SPR: variants seen among roughly 807,000 people sequenced by gnomAD.
The protein encoded by SPR is sepiapterin reductase, also known as Sepiapterin reductase (L-erythro-7,8-dihydrobiopterin forming).
Under a neutral mutation model 16.0 loss-of-function variants are expected in SPR, and 12 were observed. That is an observed-to-expected ratio of 0.75 (90% CI 0.48 to 1.22). The LOEUF is 1.22. SPR is among the 50% of genes most tolerant of loss of function. SPR has a pLI of 0.00. For synonymous variants in SPR, 177 were observed against 168.5 expected (o/e 1.05, Z -0.39); for missense variants, 324 against 344.4 (o/e 0.94, Z 0.47).
Position 72,887,578 on chromosome 2 carries a change from A to G in SPR, c.146A>G (p.Gln49Arg), listed in dbSNP as rs1670559262. The change falls in exon 1 of 3, where the codon CAG becomes CGG. Residue 49 changes from glutamine (Q) to arginine (R), a missense_variant. By Grantham distance (43) the Gln-to-Arg change is conservative. Coordinates refer to ENST00000234454, the MANE Select transcript of SPR (RefSeq NM_003124.5). ...GCCCGCAACGACGAGGCACTGCGCCAGCTGGAGGCCGAGCTGGGCGCCGAG... is the reference window on the plus strand; with the variant it reads ...GCCCGCAACGACGAGGCACTGCGCCGGCTGGAGGCCGAGCTGGGCGCCGAG... ...LSARNDEALR[Q>R]LEAELGAERS... 1 of 1,420,550 alleles carries G rather than the reference A, an allele frequency of 7.0e-7. No individual in the cohort carries two copies. Among genetic ancestry groups the G allele is most frequent in the African/African-American group, 1.5e-5 (1 of 66,998 alleles). The allele number at this position is 1,420,550 out of a possible 1,614,324, so 88.0% of individuals were successfully genotyped here. A position where few individuals can be genotyped will look rare whatever the true frequency, so the allele number is the denominator to read the frequency against.
Position 72,888,339 on chromosome 2 carries a change from C to T in SPR, c.330C>T (p.Gly110=), listed in dbSNP as rs772291970. The change falls in exon 2 of 3, where the codon GGC becomes GGT. Residue 110 remains glycine (G), a synonymous_variant. Coordinates refer to ENST00000234454, the MANE Select transcript of SPR (RefSeq NM_003124.5). The stretch of plus-strand genomic sequence containing the variant: ...GCTCTCTTGGGGATGTGTCCAAAGG[C>T]TTCGTGGACCTGAGTGACTCCACTC... The part of the protein sequence containing the change: ...NAGSLGDVSK[G]FVDLSDSTQV... The T allele has an allele frequency of 1.9e-6, 3 of 1,614,176 alleles. No individual in the cohort carries two copies. Among genetic ancestry groups the T allele is most frequent in the Middle Eastern group, 1.6e-4 (1 of 6,062 alleles).
At chr2:72,891,232 C>G in intron 2 of SPR, 115 bp from the exon 3 acceptor site, 1 of 1,065,724 alleles carries the variant, frequency 9.4e-7, no homozygotes, top group Non-Finnish European at 1.4e-6. Flanking sequence ...GCCAAGATGA[C>G]GTGTTTCCTC....
At position 72,887,814 on chromosome 2, in the gene SPR, C is replaced by T. The variant is rs568168781; in HGVS notation, c.304+78C>T. 15 of 1,374,984 alleles carry T rather than the reference C, an allele frequency of 1.1e-5. No homozygotes were observed. The Middle Eastern group carries it at 1.0e-3, about 96-fold the overall frequency. The allele number at this position is 1,374,984 out of a possible 1,614,324, so 85.2% of individuals were successfully genotyped here. ...CCGCTGGGGAATTTAAGGGCTACTC[C>T]TAGGGGTCAGATAGGACGCCTAGAA... On this transcript the variant is annotated intron_variant, in intron 1 of 2. Transcript: ENST00000234454.
At chr2:72,890,375 C>T (rs963373073) in intron 2 of SPR, among the ~76,000 whole-genome samples, 4 of 152,220 alleles carry the variant, frequency 2.6e-5, no homozygotes, top group Non-Finnish European at 4.4e-5. Flanking sequence ...TGGAGTCTCA[C>T]TCTGTTGCCT....
At chr2:72,890,213 T>A (rs1670597982) in intron 2 of SPR, among the ~76,000 whole-genome samples, 1 of 152,204 alleles carries the variant, frequency 6.6e-6, no homozygotes, top group African/African-American at 2.4e-5. Flanking sequence ...AGGTCTTCAG[T>A]TTGCCTGTAG....
chr2:72,891,456 G>C lies in SPR; in HGVS notation c.705G>C (p.Lys235Asn), dbSNP rs1670621156. ...LKAKGKLVDC[K>N]VSAQKLLSLL... The stretch of plus-strand genomic sequence containing the variant: ...CAAAGGGGAAGCTGGTGGATTGCAA[G>C]GTGTCAGCCCAGAAACTGCTGAGCT... Residue 235 changes from lysine to asparagine, a missense_variant, in exon 3 of 3, where the codon AAG becomes AAC. Lys to Asn is a moderately conservative substitution (Grantham distance 94). Transcript: ENST00000234454. 1 of 1,614,234 alleles carries C rather than the reference G, an allele frequency of 6.2e-7. No homozygotes were observed. Among genetic ancestry groups the C allele is most frequent in the Non-Finnish European group, 8.5e-7 (1 of 1,180,046 alleles).
chr2:72,891,873 C>T lies in SPR; in HGVS notation c.*336C>T. On this transcript the variant is annotated 3_prime_UTR_variant, in exon 3 of 3. Transcript: ENST00000234454. Reference sequence around the variant, plus strand: ...AAGAGAGGAGGTTGTGTCTCTTGCTCATAGCAAGCCTGTGGGTAGAGGAAA... The same window carrying T: ...AAGAGAGGAGGTTGTGTCTCTTGCTTATAGCAAGCCTGTGGGTAGAGGAAA... The T allele has an allele frequency of 5.5e-6, 2 of 366,464 alleles. No individual in the cohort carries two copies. Among genetic ancestry groups the T allele is most frequent in the Admixed American group, 7.5e-5 (2 of 26,608 alleles). The allele number at this position is 366,464 out of a possible 1,614,324, so 22.7% of individuals were successfully genotyped here.
intron 1 of SPR, 50 bp from the exon 2 acceptor site, chr2:72,888,261 GGAA>G (rs1198813762): frequency 2.8e-5 from 45 of 1,585,582 alleles, no homozygotes; most frequent in Non-Finnish European, 3.6e-5. Flanking sequence ...GGAGGGCTGG[GGAA>G]GAAGAAAGCC....
In SPR at chr2:72,891,616, G is replaced by C. The variant is rs1670624061; in HGVS notation, c.*79G>C. On this transcript the variant is annotated 3_prime_UTR_variant, in exon 3 of 3. Transcript: ENST00000234454. Reference sequence around the variant, plus strand: ...AGAGCCCTGTGGCTCCCCACACCCTGCCATAGGGGCAGTCCTGCCTTACAC... The same window carrying C: ...AGAGCCCTGTGGCTCCCCACACCCTCCCATAGGGGCAGTCCTGCCTTACAC... 2.0e-6 allele frequency: 3 copies of C among 1,519,690 alleles called. No homozygotes were observed. The highest frequency in any genetic ancestry group is 2.3e-5 in the East Asian group (1 of 44,126). The allele number at this position is 1,519,690 out of a possible 1,614,324, so 94.1% of individuals were successfully genotyped here.
chr2:72,888,194 C>G (rs1226452161), intron 1 of SPR, 120 bp from the exon 2 acceptor site: 3 of 1,031,652 alleles, frequency 2.9e-6, no homozygotes, highest in Non-Finnish European at 4.6e-6. Flanking sequence ...TCTTCAGAAG[C>G]GCTAGGCAGC....
intron 2 of SPR, among the ~76,000 whole-genome samples, chr2:72,889,469 G>C (rs139344958): frequency 6.6e-6 from 1 of 152,194 alleles, no homozygotes; most frequent in Non-Finnish European, 1.5e-5. Context: ...CAGACAGGTA[G>C]AATGGCCTGC....
At chr2:72,890,397 C>T (rs1375042605) in intron 2 of SPR, among the ~76,000 whole-genome samples, 1 of 152,222 alleles carries the variant, frequency 6.6e-6, no homozygotes, top group African/African-American at 2.4e-5. Flanking sequence ...GGCTGGAGTG[C>T]AGTGGCACGA....
At chr2:72,890,225 G>C (rs562423786) in intron 2 of SPR, among the ~76,000 whole-genome samples, 1 of 152,254 alleles carries the variant, frequency 6.6e-6, no homozygotes, top group South Asian at 2.1e-4. Flanking sequence ...TGCCTGTAGA[G>C]TAGGTGTGCC....
intron 2 of SPR, among the ~76,000 whole-genome samples, chr2:72,890,804 T>C (rs1208947440): frequency 6.6e-6 from 1 of 152,050 alleles, no homozygotes; most frequent in African/African-American, 2.4e-5. Flanking sequence ...CTGCCTCAGC[T>C]TCCCAAAGTG....
chr2:72,888,768 A>G (rs531136780), intron 2 of SPR, among the ~76,000 whole-genome samples, 164 bp downstream of exon 2: 1 of 152,354 alleles, frequency 6.6e-6, no homozygotes, highest in East Asian at 1.9e-4. Context: ...CAGGGGAAAT[A>G]GAGGTGGCAG....
At position 72,888,481 on chromosome 2, in the gene SPR, C is replaced by G. The variant is rs1382131975; in HGVS notation, c.472C>G (p.Leu158Val). 9 of 1,613,838 alleles carry G rather than the reference C, an allele frequency of 5.6e-6. No homozygotes were observed. In the Middle Eastern group the frequency reaches 6.6e-4, roughly 118 times the overall value. ...LNRTVVNISS[L>V]CALQPFKGWA... ...CAGAACCGTGGTTAACATCTCGTCC[C>G]TCTGTGCCCTGCAACCTTTCAAAGG... Residue 158 changes from leucine (L) to valine (V), a missense_variant, in exon 2 of 3, where the codon CTC becomes GTC. By Grantham distance (32) the Leu-to-Val change is conservative. Coordinates refer to ENST00000234454, the MANE Select transcript of SPR (RefSeq NM_003124.5).
intron 2 of SPR, among the ~76,000 whole-genome samples, chr2:72,889,921 A>G (rs1670594829): frequency 6.6e-6 from 1 of 152,252 alleles, no homozygotes. Flanking sequence ...ATTGGAAAAT[A>G]GTCAAGGACC....
chr2:72,888,302 T>C lies in SPR; in HGVS notation c.305-12T>C, dbSNP rs192766290. ...GCCTGCACTGAGTTACTCCTAAGGG[T>C]TGGTTTTTCAGGCTCTCTTGGGGAT... On this transcript the variant is annotated splice_polypyrimidine_tract_variant and intron_variant, in intron 1 of 2. Coordinates refer to ENST00000234454, the MANE Select transcript of SPR (RefSeq NM_003124.5). 2,523 of 1,613,988 alleles carry C rather than the reference T, an allele frequency of 1.6e-3. 2 individuals carry two copies. The highest frequency in any genetic ancestry group is 1.9e-3 in the Non-Finnish European group (2,295 of 1,179,988).
At position 72,887,780 on chromosome 2, in the gene SPR, C is replaced by T. The variant is rs759699526; in HGVS notation, c.304+44C>T. 6.3e-5 allele frequency: 92 copies of T among 1,455,870 alleles called. 1 individual carries two copies. The Middle Eastern group carries it at 1.2e-3, about 19-fold the overall frequency. The allele number at this position is 1,455,870 out of a possible 1,614,324, so 90.2% of individuals were successfully genotyped here. A position where few individuals can be genotyped will look rare whatever the true frequency, so the allele number is the denominator to read the frequency against. ...AGCGGACTCCCCATGTGAGCGCCCA[C>T]TTCCTCCACCGCTGGGGAATTTAAG... On this transcript the variant is annotated intron_variant, in intron 1 of 2. Transcript: ENST00000234454.
Sources: allele counts gnomAD v4.1 joint callset (sites outside exome capture counted in the v4.1 genomes callset), GRCh38; gene constraint gnomAD v4.1.1; transcripts MANE v1.5; gene names NCBI Gene and HGNC (gene_info 2026-07-23, HGNC 2026-07-21).